Variants in POLQ observed in about 807,000 individuals in gnomAD.
POLQ encodes the protein epididymis secretory sperm binding protein.
POLQ carries 233 observed loss-of-function variants against 259.2 expected under a neutral mutation model. The observed-to-expected ratio is 0.90, with a 90% CI of 0.81 to 1.00. The LOEUF (loss-of-function observed/expected upper bound fraction) is 1.00, where lower values mean the gene tolerates loss of function less well. Among genes scored for constraint, POLQ ranks in the 50% least tolerant of loss-of-function variants. The pLI is 0.00. For missense variants in POLQ, 2,871 were observed against 3,051.6 expected, an observed-to-expected ratio of 0.94 and a Z score of 1.39; for synonymous variants, 1,025 against 1,048.8, an observed-to-expected ratio of 0.98 and a Z score of 0.44.
intron 12 of POLQ, among the ~76,000 whole-genome samples, chr3:121,501,643 C>G (rs2048169460): frequency 9.7e-6 from 1 of 103,308 alleles, no homozygotes; most frequent in South Asian, 3.4e-4. Context: ...GCCTGGGCGA[C>G]AGAGCGAGAC....
chr3:121,517,229 GA>G (rs2048304973), intron 9 of POLQ, among the ~76,000 whole-genome samples: 1 of 152,190 alleles, frequency 6.6e-6, no homozygotes, highest in Non-Finnish European at 1.5e-5. Flanking sequence ...ATAGGAATGG[GA>G]AGGAAGAATC....
intron 21 of POLQ, 67 bp from the exon 22 acceptor site, chr3:121,472,231 T>A (rs558364540): frequency 1.4e-5 from 10 of 733,568 alleles, no homozygotes; most frequent in Admixed American, 2.6e-5. Context: ...GAATCTCTTT[T>A]CTGTAAATAA....
intron 23 of POLQ, among the ~76,000 whole-genome samples, chr3:121,467,978 AGCT>A (rs1316798719): frequency 5.9e-5 from 9 of 152,218 alleles, no homozygotes; most frequent in African/African-American, 1.2e-4. Flanking sequence ...GGTTGCAGTA[AGCT>A]GAGATCGCAC....
At chr3:121,472,234 G>T in intron 21 of POLQ, 70 bp from the exon 22 acceptor site, 1 of 713,382 alleles carries the variant, frequency 1.4e-6, no homozygotes, top group African/African-American at 1.8e-5. Context: ...TCTCTTTTCT[G>T]TAAATAATAC....
intron 14 of POLQ, chr3:121,494,110 A>G: frequency 1.4e-6 from 1 of 721,012 alleles, no homozygotes; most frequent in Non-Finnish European, 2.5e-6. Context: ...GCCACCCAAG[A>G]TGCCGAAAGG....
intron 17 of POLQ, 33 bp from the exon 18 acceptor site, chr3:121,483,615 T>C: frequency 6.8e-7 from 1 of 1,465,132 alleles, no homozygotes; most frequent in Non-Finnish European, 9.1e-7. Flanking sequence ...GAAAAAACAT[T>C]TTTAAGGCAA....
Position 121,483,601 on chromosome 3 carries a change from A to AAGG in POLQ, c.5774-20_5774-19insCCT, listed in dbSNP as rs753890949. ...CTAATTTCTTTAAAAAAAAAAAAAAAAAGGAAAAAACATTTTTAAGGCAAA... is the reference window on the plus strand; with the variant it reads ...CTAATTTCTTTAAAAAAAAAAAAAAAAGGAAGGAAAAAACATTTTTAAGGCAAA... On this transcript the variant is annotated intron_variant, in intron 17 of 29. Transcript: ENST00000264233. 34 of 1,521,138 alleles carry AAGG rather than the reference A, an allele frequency of 2.2e-5. No homozygotes were observed. Among genetic ancestry groups the AAGG allele is most frequent in the Non-Finnish European group, 2.6e-5 (30 of 1,138,694 alleles). The allele number at this position is 1,521,138 out of a possible 1,614,324, so 94.2% of individuals were successfully genotyped here. A position where few individuals can be genotyped will look rare whatever the true frequency, so the allele number is the denominator to read the frequency against.
chr3:121,470,112 G>A (rs1576408305), intron 22 of POLQ, among the ~76,000 whole-genome samples: 2 of 152,142 alleles, frequency 1.3e-5, no homozygotes, highest in South Asian at 4.2e-4. Flanking sequence ...AGACCATCCT[G>A]GCCAATATAG....
At chr3:121,481,016 A>G (rs1416558323) in intron 19 of POLQ, among the ~76,000 whole-genome samples, 1 of 152,244 alleles carries the variant, frequency 6.6e-6, no homozygotes, top group African/African-American at 2.4e-5. Context: ...CTGGGCCAGC[A>G]GATAACAATG....
At chr3:121,485,299 T>G (rs1394911158) in intron 16 of POLQ, 115 bp from the exon 17 acceptor site, 1 of 621,886 alleles carries the variant, frequency 1.6e-6, no homozygotes, top group Non-Finnish European at 2.7e-6. Flanking sequence ...TTCCAGATCT[T>G]AAAATATGCA....
chr3:121,522,062 G>A lies in POLQ; in HGVS notation c.1196C>T (p.Ser399Leu), dbSNP rs749569493. 6.2e-7 allele frequency: 1 copy of A among 1,608,808 alleles called. No individual in the cohort carries two copies. Among genetic ancestry groups the A allele is most frequent in the Non-Finnish European group, 8.5e-7 (1 of 1,176,878 alleles). The change falls in exon 8 of 30, where the codon TCA (serine) becomes TTA (leucine). Residue 399 changes from serine (S) to leucine (L), a missense_variant. Physicochemically the swap from Ser to Leu is moderately radical, Grantham distance 145. This residue lies in a region of POLQ where 783 missense variants were observed against 906.2 expected (regional missense o/e 0.86). Transcript: ENST00000264233. The part of the protein sequence containing the change: ...EVMDQLRRLP[S>L]GLDSVLQKTV... The stretch of plus-strand genomic sequence containing the variant: ...TTTCTGTAATACAGAGTCCAGTCCT[G>A]AAGGCAAACGTCTTAACTGATCCAT...
intron 26 of POLQ, among the ~76,000 whole-genome samples, chr3:121,449,010 G>C (rs2047652260): frequency 1.3e-5 from 2 of 152,132 alleles, no homozygotes; most frequent in South Asian, 4.1e-4. Context: ...ATAGTTTACT[G>C]TTTCAAACTA....
At position 121,468,345 on chromosome 3, in the gene POLQ, G is replaced by A; in HGVS notation, c.6805C>T (p.Pro2269Ser). 6.2e-7 allele frequency: 1 copy of A among 1,612,922 alleles called. No individual in the cohort carries two copies. The highest frequency in any genetic ancestry group is 1.3e-5 in the African/African-American group (1 of 75,002). The change falls in exon 23 of 30, where the codon CCT becomes TCT. Residue 2269 changes from proline to serine, a missense_variant. By Grantham distance (74) the Pro-to-Ser change is moderately conservative. Transcript: ENST00000264233. ...AGGCCTTTGCCTACAGCTTGAGAAG[G>A]TGGGCTTTCTCCTACTAGTGTTGGC... ...KMPTLVGESP[P>S]SQAVGKGLLP...
At chr3:121,532,496 C>T (rs1353825125) in intron 6 of POLQ, among the ~76,000 whole-genome samples, 1 of 152,048 alleles carries the variant, frequency 6.6e-6, no homozygotes, top group Non-Finnish European at 1.5e-5. Context: ...CTCTCACCAT[C>T]ACCGCTAATA....
intron 24 of POLQ, 61 bp from the exon 25 acceptor site, chr3:121,460,295 T>A (rs1294251544): frequency 8.0e-7 from 1 of 1,254,756 alleles, no homozygotes; most frequent in Non-Finnish European, 1.2e-6. Context: ...CAATCCAAGT[T>A]CTATATCATA....
intron 2 of POLQ, among the ~76,000 whole-genome samples, chr3:121,542,126 A>G (rs1243112802): frequency 6.6e-6 from 1 of 150,664 alleles, no homozygotes; most frequent in African/African-American, 2.4e-5. Flanking sequence ...ACAGTGAGAG[A>G]CTCCGTCTCA....
At chr3:121,539,352 C>A (rs935084198) in intron 4 of POLQ, 81 bp downstream of exon 4, 13 of 1,080,450 alleles carry the variant, frequency 1.2e-5, no homozygotes, top group South Asian at 1.5e-5. Flanking sequence ...ACAAATGGGA[C>A]CTAGAGAAAT....
In POLQ at chr3:121,496,803, C is replaced by T. The variant is rs1258755442; in HGVS notation, c.2278+5G>A. The T allele has an allele frequency of 1.9e-6, 3 of 1,603,720 alleles. No individual in the cohort carries two copies. The South Asian group carries it at 3.4e-5, about 18-fold the overall frequency. ...AATAAATGTGAAACCCTTTGTTTAA[C>T]TGACCTGCATAAACAGCAGCTGACT... On this transcript the variant is annotated splice_donor_5th_base_variant and intron_variant, in intron 14 of 29. Transcript: ENST00000264233.
intron 3 of POLQ, among the ~76,000 whole-genome samples, chr3:121,540,888 T>C (rs1253246659): frequency 8.8e-6 from 1 of 113,756 alleles, no homozygotes; most frequent in Non-Finnish European, 1.8e-5. Flanking sequence ...CTTCTGTAAA[T>C]TTTTTTAATT....
Sources: gnomAD v4.1 joint callset for allele counts (sites outside exome capture counted in the v4.1 genomes callset) on GRCh38, gnomAD v4.1.1 for gene constraint, gnomAD v4.1.1 regional missense constraint, MANE v1.5 for transcripts, NCBI Gene and HGNC (gene_info 2026-07-23, HGNC 2026-07-21) for gene names.